Variants in ATRNL1 observed in about 807,000 individuals in gnomAD.
ATRNL1 encodes the protein attractin-like protein 1.
A neutral mutation model predicts 182.7 loss-of-function variants in ATRNL1; 95 were observed. That is an observed-to-expected ratio of 0.52 (90% CI 0.44 to 0.62). The LOEUF is 0.62. Among genes scored for constraint, ATRNL1 ranks in the 20% least tolerant of loss-of-function variants. The pLI, the probability that ATRNL1 is intolerant of heterozygous loss-of-function variation, is 0.00. For synonymous variants in ATRNL1, 576 were observed against 568.3 expected (o/e 1.01, Z -0.19); for missense variants, 1,471 against 1,679.5 (o/e 0.88, Z 2.17).
intron 25 of ATRNL1, among the ~76,000 whole-genome samples, chr10:115,547,416 G>T (rs1034058683): frequency 3.3e-5 from 5 of 151,958 alleles, no homozygotes; most frequent in African/African-American, 1.2e-4. Flanking sequence ...TTTCCTTCCT[G>T]GGAGGGACTT....
chr10:115,539,053 C>T (rs1433822977), intron 25 of ATRNL1, among the ~76,000 whole-genome samples: 2 of 152,164 alleles, frequency 1.3e-5, no homozygotes, highest in Non-Finnish European at 2.9e-5. Context: ...TTTGTTTAAG[C>T]ACCCTCTATG....
intron 5 of ATRNL1, among the ~76,000 whole-genome samples, chr10:115,158,747 C>T (rs1342162348): frequency 2.0e-5 from 3 of 151,860 alleles, no homozygotes; most frequent in Non-Finnish European, 4.4e-5. Context: ...TATTAAATGA[C>T]AATCTAAAAC....
At chr10:115,834,839 G>T (rs116731357) in intron 27 of ATRNL1, among the ~76,000 whole-genome samples, 2,861 of 152,160 alleles carry the variant, frequency 0.019, 99 homozygotes, top group African/African-American at 0.06. Context: ...ATCTTAAAAG[G>T]ATTGATGTAA....
chr10:115,879,312 A>AAAAAAAAAAGAAAG (rs781983949), intron 28 of ATRNL1, among the ~76,000 whole-genome samples: 2 of 150,768 alleles, frequency 1.3e-5, no homozygotes, highest in Non-Finnish European at 3.0e-5. Context: ...TCTCAAAAAA[A>AAAAAAAAAAGAAAG]AAAGAAAGAA....
chr10:115,420,438 T>G (rs1210616832), intron 20 of ATRNL1, among the ~76,000 whole-genome samples: 1 of 152,102 alleles, frequency 6.6e-6, no homozygotes, highest in Non-Finnish European at 1.5e-5. Flanking sequence ...CTTTGGAAAC[T>G]GTATACGTAC....
chr10:115,286,310 C>G lies in ATRNL1; in HGVS notation c.2328C>G (p.Cys776Trp). The G allele has an allele frequency of 6.2e-7, 1 of 1,603,206 alleles. No individual in the cohort carries two copies. Among genetic ancestry groups the G allele is most frequent in the Non-Finnish European group, 8.5e-7 (1 of 1,171,200 alleles). The stretch of plus-strand genomic sequence containing the variant: ...ACTATGACAATGCAAAACTTTATTG[C>G]TATAATCTTAGTGGAAATCTTGCTT... The part of the protein sequence containing the change: ...RENYDNAKLY[C>W]YNLSGNLASL... The change falls in exon 15 of 29, where the codon TGC (cysteine) becomes TGG (tryptophan). Residue 776 changes from cysteine to tryptophan, a missense_variant. Physicochemically the swap from Cys to Trp is radical, Grantham distance 215. Transcript: ENST00000355044.
chr10:115,716,343 T>G (rs1439560196), intron 26 of ATRNL1, among the ~76,000 whole-genome samples: 2 of 152,180 alleles, frequency 1.3e-5, no homozygotes, highest in Non-Finnish European at 2.9e-5. Context: ...AAAAAATATC[T>G]TTAATATATG....
chr10:115,927,222 A>G (rs182312995), intron 28 of ATRNL1, among the ~76,000 whole-genome samples: 9 of 152,314 alleles, frequency 5.9e-5, no homozygotes, highest in Admixed American at 1.3e-4. Flanking sequence ...ACATCCCTTC[A>G]TGTTAAAAGC....
rs549600610 is a variant in ATRNL1 at position 115,895,414 on chromosome 10, A to T, written c.4018+47423A>T. Among the ~76,000 whole-genome samples the T allele has an allele frequency of 5.3e-5, 8 of 152,352 alleles. No homozygotes were observed. The East Asian group carries it at 1.4e-3, about 26-fold the overall frequency. ...GAGCGTGTTGCACACGGCTGTGCTCATCCTGCCGTTCTAATGTGAATGCAT... is the reference window on the plus strand; with the variant it reads ...GAGCGTGTTGCACACGGCTGTGCTCTTCCTGCCGTTCTAATGTGAATGCAT... On this transcript the variant is annotated intron_variant, in intron 28 of 28. Coordinates refer to ENST00000355044, the MANE Select transcript of ATRNL1 (RefSeq NM_207303.4).
intron 5 of ATRNL1, among the ~76,000 whole-genome samples, chr10:115,143,423 T>A (rs1310109765): frequency 6.6e-6 from 1 of 152,130 alleles, no homozygotes; most frequent in Non-Finnish European, 1.5e-5. Context: ...TTTTTTTTTT[T>A]TATAGTGTGT....
chr10:115,405,289 G>A (rs192441712), intron 20 of ATRNL1, among the ~76,000 whole-genome samples: 8 of 152,258 alleles, frequency 5.3e-5, no homozygotes, highest in Middle Eastern at 3.4e-3. Context: ...ATGTGTAGGT[G>A]TTTTATCAAA....
chr10:115,353,451 T>C (rs977704134), intron 19 of ATRNL1, among the ~76,000 whole-genome samples: 4 of 152,160 alleles, frequency 2.6e-5, no homozygotes, highest in Non-Finnish European at 5.9e-5. Flanking sequence ...TTAGTGTATG[T>C]TGTTTTTATA....
intron 28 of ATRNL1, among the ~76,000 whole-genome samples, chr10:115,853,517 T>G (rs922941876): frequency 1.1e-4 from 17 of 152,184 alleles, no homozygotes; most frequent in African/African-American, 3.9e-4. Context: ...ATTTCCAGTT[T>G]CTAGCAGCCT....
intron 1 of ATRNL1, 120 bp downstream of exon 1, chr10:115,094,163 G>T: frequency 9.6e-7 from 1 of 1,044,164 alleles, no homozygotes; most frequent in Non-Finnish European, 1.2e-6. Context: ...GGCCGTGAGT[G>T]AACCTCAGCG....
intron 1 of ATRNL1, among the ~76,000 whole-genome samples, chr10:115,104,557 C>A (rs558227757): frequency 1.3e-5 from 2 of 152,134 alleles, no homozygotes; most frequent in East Asian, 3.9e-4. Context: ...GATATGATCC[C>A]ATTTATCCAT....
In ATRNL1 at chr10:115,389,500, C is replaced by CAAA. The variant is rs71010019; in HGVS notation, c.3176-5148_3176-5146dup. ...TGCACTTCAGCCCGAGACTCCGTCT[C>CAAA]AAAAAAAAAAAAAGCTGAATAGTAT... On this transcript the variant is annotated intron_variant, in intron 19 of 28. Coordinates refer to ENST00000355044, the MANE Select transcript of ATRNL1 (RefSeq NM_207303.4). 6.4e-4 allele frequency among the ~76,000 whole-genome samples: 47 copies of CAAA among 72,912 alleles called. 4 individuals are homozygous for CAAA. The highest frequency in any genetic ancestry group is 2.5e-3 in the African/African-American group (47 of 18,892). 47.8% of individuals were successfully genotyped at this position (72,912 alleles called of 152,430 possible).
At chr10:115,666,824 A>T (rs1417991335) in intron 26 of ATRNL1, among the ~76,000 whole-genome samples, 1 of 152,102 alleles carries the variant, frequency 6.6e-6, no homozygotes, top group East Asian at 1.9e-4. Context: ...ATGACCACCT[A>T]CCCTATTCAC....
Position 115,472,714 on chromosome 10 carries a change from G to GT in ATRNL1, c.3654+3391dup, listed in dbSNP as rs1848360875. ...GTTTTGTATCCTGCAACTTGACTGA[G>GT]TTTTTTATTCTTTTTAACAGTTTAT... On this transcript the variant is annotated intron_variant, in intron 24 of 28. Transcript: ENST00000355044. 2.6e-5 allele frequency among the ~76,000 whole-genome samples: 4 copies of GT among 151,000 alleles called. No individual in the cohort carries two copies. In the South Asian group the frequency reaches 8.3e-4, roughly 31 times the overall value.
chr10:115,792,742 T>C (rs1555082024), intron 27 of ATRNL1, among the ~76,000 whole-genome samples: 3 of 152,080 alleles, frequency 2.0e-5, no homozygotes, highest in Non-Finnish European at 4.4e-5. Flanking sequence ...GCATTTTTCA[T>C]TTATTTCTTC....
Sources: gnomAD v4.1 joint callset for allele counts (sites outside exome capture counted in the v4.1 genomes callset) on GRCh38, gnomAD v4.1.1 for gene constraint, MANE v1.5 for transcripts, NCBI Gene and HGNC (gene_info 2026-07-23, HGNC 2026-07-21) for gene names.